FOXP1: variants seen among roughly 807,000 people sequenced by gnomAD.
FOXP1 encodes the protein forkhead box P1.
FOXP1 carries 15 observed loss-of-function variants against 98.2 expected under a neutral mutation model. That is an observed-to-expected ratio of 0.15 (90% CI 0.10 to 0.24). FOXP1 has a LOEUF of 0.24. Among genes scored for constraint, FOXP1 ranks in the 10% least tolerant of loss-of-function variants. FOXP1 has a pLI of 1.00. For synonymous variants in FOXP1, 371 were observed against 314.5 expected, an observed-to-expected ratio of 1.18 and a Z score of -1.90; for missense variants, 633 against 848.5, an observed-to-expected ratio of 0.75 and a Z score of 3.15.
At chr3:71,226,116 C>A (rs2065815574) in intron 5 of FOXP1, among the ~76,000 whole-genome samples, 2 of 152,190 alleles carry the variant, frequency 1.3e-5, no homozygotes, top group African/African-American at 4.8e-5. Flanking sequence ...TTTGCTTAGA[C>A]ATCAAGGGCA....
intron 11 of FOXP1, among the ~76,000 whole-genome samples, chr3:71,033,575 G>A: frequency 1.3e-5 from 1 of 77,432 alleles, no homozygotes; most frequent in African/African-American, 4.2e-5. Context: ...AGGTTTTTTT[G>A]TTTAATCACC....
At chr3:71,297,055 T>C (rs1250554339) in intron 5 of FOXP1, among the ~76,000 whole-genome samples, 1 of 152,104 alleles carries the variant, frequency 6.6e-6, no homozygotes, top group East Asian at 1.9e-4. Flanking sequence ...CCTCAGGTAT[T>C]CCTTTATAGC....
intron 5 of FOXP1, among the ~76,000 whole-genome samples, chr3:71,221,035 A>G (rs962634273): frequency 1.3e-5 from 2 of 151,970 alleles, no homozygotes; most frequent in African/African-American, 4.8e-5. Context: ...ATCTCCACCC[A>G]CTACATTTTA....
In FOXP1 at chr3:70,956,731, AGTTTTTTTTTTTTTTTT is replaced by A; in HGVS notation, c.*2499_*2515del. On this transcript the variant is annotated 3_prime_UTR_variant, in exon 21 of 21. Transcript: ENST00000649528. ...TGCACATCATGAAGCTGCCTGGAAAAGTTTTTTTTTTTTTTTTTTTTTTTTTTTTTTTTTTTTTTTTT... is the reference window on the plus strand; with the variant it reads ...TGCACATCATGAAGCTGCCTGGAAAATTTTTTTTTTTTTTTTTTTTTTTTT... The A allele has an allele frequency of 2.9e-5, 3 of 101,722 alleles. No homozygotes were observed. Among genetic ancestry groups the A allele is most frequent in the East Asian group, 4.9e-4 (2 of 4,090 alleles). 6.3% of individuals were successfully genotyped at this position (101,722 alleles called of 1,614,324 possible).
chr3:71,098,723 C>T (rs1314447004), intron 7 of FOXP1, among the ~76,000 whole-genome samples: 2 of 152,284 alleles, frequency 1.3e-5, no homozygotes, highest in African/African-American at 4.8e-5. Context: ...CGGAATGTCA[C>T]AGCATCAAGA....
At chr3:70,990,651 G>T (rs142048479) in intron 13 of FOXP1, among the ~76,000 whole-genome samples, 2 of 152,324 alleles carry the variant, frequency 1.3e-5, no homozygotes, top group African/African-American at 4.8e-5. Flanking sequence ...GAGAAAATTT[G>T]TGTTGAAATA....
At chr3:71,324,297 C>T (rs1180373027) in intron 4 of FOXP1, among the ~76,000 whole-genome samples, 2 of 152,068 alleles carry the variant, frequency 1.3e-5, no homozygotes, top group Non-Finnish European at 2.9e-5. Flanking sequence ...AATCATGCTG[C>T]TATAAAGACA....
chr3:71,421,494 A>G (rs1162217883), intron 3 of FOXP1, among the ~76,000 whole-genome samples: 3 of 152,202 alleles, frequency 2.0e-5, no homozygotes, highest in Non-Finnish European at 4.4e-5. Context: ...TCTTGAATTT[A>G]TATAATTTGA....
intron 7 of FOXP1, among the ~76,000 whole-genome samples, chr3:71,107,304 A>T (rs1309211610): frequency 6.6e-6 from 1 of 152,206 alleles, no homozygotes; most frequent in Non-Finnish European, 1.5e-5. Context: ...CCCAAGGTGA[A>T]CTTCTTGAAG....
At chr3:71,149,039 T>C (rs2060450355) in intron 6 of FOXP1, among the ~76,000 whole-genome samples, 1 of 152,212 alleles carries the variant, frequency 6.6e-6, no homozygotes, top group Non-Finnish European at 1.5e-5. Flanking sequence ...AACGTGCTTG[T>C]ACAGTTAGTC....
In FOXP1 at chr3:71,440,179, AC is replaced by A. The variant is rs571582952; in HGVS notation, c.-168+53246del. On this transcript the variant is annotated intron_variant, in intron 3 of 20. Transcript: ENST00000649528. ...TGAGAAAGTTCTGGAGACTGGTTGC[AC>A]AACAATATGAATATACTTAACACAA... is the stretch of plus-strand genomic sequence containing the variant. Among the ~76,000 whole-genome samples the A allele has an allele frequency of 2.6e-5, 4 of 152,304 alleles. No homozygotes were observed. In the South Asian group the frequency reaches 8.3e-4, roughly 32 times the overall value.
chr3:70,972,353 G>A, intron 18 of FOXP1: 1 of 888,852 alleles, frequency 1.1e-6, no homozygotes. Context: ...ACTAGCATGT[G>A]ATGCAACAAA....
chr3:71,406,989 G>A (rs541237516), intron 3 of FOXP1, among the ~76,000 whole-genome samples: 8 of 152,198 alleles, frequency 5.3e-5, no homozygotes, highest in Middle Eastern at 3.4e-3. Flanking sequence ...CATTTCTCCC[G>A]CCACAACAGT....
chr3:71,374,757 C>T (rs1418004442), intron 3 of FOXP1, among the ~76,000 whole-genome samples: 1 of 152,120 alleles, frequency 6.6e-6, no homozygotes, highest in Non-Finnish European at 1.5e-5. Flanking sequence ...GTAGCATTGT[C>T]TACTTGCCAA....
chr3:71,578,225 G>C (rs1461523730), intron 2 of FOXP1, among the ~76,000 whole-genome samples: 1 of 152,190 alleles, frequency 6.6e-6, no homozygotes, highest in African/African-American at 2.4e-5. Context: ...GGAGAGCAAA[G>C]GGCAGTAGGA....
At chr3:71,546,785 G>A (rs866397142) in intron 2 of FOXP1, among the ~76,000 whole-genome samples, 2 of 152,222 alleles carry the variant, frequency 1.3e-5, no homozygotes, top group Non-Finnish European at 2.9e-5. Flanking sequence ...CTAAACGGAC[G>A]ATGATTTGCT....
chr3:71,256,145 C>G (rs978075022), intron 5 of FOXP1, among the ~76,000 whole-genome samples: 3 of 152,152 alleles, frequency 2.0e-5, no homozygotes, highest in Non-Finnish European at 4.4e-5. Context: ...AAGGTAAAGG[C>G]AGGCTCATCA....
intron 5 of FOXP1, among the ~76,000 whole-genome samples, chr3:71,220,341 G>A (rs2065264528): frequency 6.6e-6 from 1 of 152,216 alleles, no homozygotes; most frequent in Non-Finnish European, 1.5e-5. Context: ...TGACGCTTTT[G>A]TGAGAATGGC....
At chr3:71,196,723 A>C (rs1416513727) in intron 6 of FOXP1, among the ~76,000 whole-genome samples, 1 of 152,194 alleles carries the variant, frequency 6.6e-6, no homozygotes, top group African/African-American at 2.4e-5. Flanking sequence ...TTTACTATCT[A>C]CTGCTGGGTT....
Sources: allele counts gnomAD v4.1 joint callset (sites outside exome capture counted in the v4.1 genomes callset), GRCh38; gene constraint gnomAD v4.1.1; transcripts MANE v1.5; gene names NCBI Gene and HGNC (gene_info 2026-07-23, HGNC 2026-07-21).